PCDH15: variants seen among roughly 807,000 people sequenced by gnomAD.
PCDH15 encodes protocadherin-15.
In PCDH15, 129 loss-of-function variants were observed where a neutral mutation model predicts 178.5. That is an observed-to-expected ratio of 0.72 (90% confidence interval 0.63 to 0.84). The LOEUF (loss-of-function observed/expected upper bound fraction) is 0.84, where lower values mean the gene tolerates loss of function less well. Ranked by LOEUF, PCDH15 falls within the 40% of genes least tolerant of loss-of-function variation. The pLI is 0.00. For missense variants in PCDH15, 2,230 were observed against 2,099.9 expected (o/e 1.06, Z -1.21); for synonymous variants, 800 against 732.0 (o/e 1.09, Z -1.50).
At chr10:55,262,469 T>A (rs998819013) in intron 1 of PCDH15, among the ~76,000 whole-genome samples, 2 of 152,178 alleles carry the variant, frequency 1.3e-5, no homozygotes, top group Non-Finnish European at 2.9e-5. Context: ...CACAGGCGGC[T>A]GGATGCTGAG....
intron 28 of PCDH15, among the ~76,000 whole-genome samples, chr10:53,846,807 TA>T (rs2078007235): frequency 6.6e-6 from 1 of 152,068 alleles, no homozygotes; most frequent in Non-Finnish European, 1.5e-5. Flanking sequence ...GCTTTTTATT[TA>T]TTTTTTTACA....
rs573169369 is a variant in PCDH15, at chr10:54,471,979, G to C, written c.157+55833C>G. On this transcript the variant is annotated intron_variant, in intron 3 of 37. Transcript: ENST00000644397. Reference sequence around the variant, plus strand: ...TTTTATATGACACTCTGATTTATGAGAGCACAAATTACTTTTTAGCATTAA... The same window carrying C: ...TTTTATATGACACTCTGATTTATGACAGCACAAATTACTTTTTAGCATTAA... Among the ~76,000 whole-genome samples, 4 of 152,016 alleles carry C rather than the reference G, an allele frequency of 2.6e-5. No homozygotes were observed. The South Asian group carries it at 8.3e-4, about 32-fold the overall frequency.
intron 2 of PCDH15, among the ~76,000 whole-genome samples, chr10:55,353,743 C>T (rs921489524): frequency 1.3e-5 from 2 of 152,054 alleles, no homozygotes; most frequent in African/African-American, 4.8e-5. Flanking sequence ...ACCTCAAAGG[C>T]TCTTCTGATG....
At chr10:55,565,437 A>G (rs544209499) in intron 2 of PCDH15, among the ~76,000 whole-genome samples, 1 of 151,776 alleles carries the variant, frequency 6.6e-6, no homozygotes, top group South Asian at 2.1e-4. Context: ...CATATCTCAA[A>G]TCAACCACTT....
At chr10:54,962,731 G>A (rs1033468483) in intron 2 of PCDH15, among the ~76,000 whole-genome samples, 3 of 152,124 alleles carry the variant, frequency 2.0e-5, no homozygotes, top group Non-Finnish European at 4.4e-5. Context: ...TGGACTCCTT[G>A]CTTGCTCATT....
At chr10:54,197,849 GA>G (rs2049830311) in intron 10 of PCDH15, among the ~76,000 whole-genome samples, 1 of 151,992 alleles carries the variant, frequency 6.6e-6, no homozygotes, top group Non-Finnish European at 1.5e-5. Context: ...TTACTAATGT[GA>G]AATTATGCTA....
rs1334505710 is a variant in PCDH15 at position 55,463,911 on chromosome 10, A to G, written c.-156+163714T>C. On this transcript the variant is annotated intron_variant, in intron 2 of 5. Transcript: ENST00000613346. ...AGAGGGAGAGAGAGAGAAAGAAAGA[A>G]AGAAAGAAAGAAAGAAAGAAAGAAA... Among the ~76,000 whole-genome samples the G allele has an allele frequency of 1.1e-4, 2 of 18,124 alleles. 1 individual carries two copies. The highest frequency in any genetic ancestry group is 1.6e-4 in the Non-Finnish European group (2 of 12,712). The allele number at this position is 18,124 out of a possible 152,430, so 11.9% of individuals were successfully genotyped here.
intron 13 of PCDH15, among the ~76,000 whole-genome samples, chr10:54,156,163 T>G (rs1304654188): frequency 6.6e-6 from 1 of 152,020 alleles, no homozygotes; most frequent in African/African-American, 2.4e-5. Flanking sequence ...GAGCTATTTG[T>G]TTTTTTTATT....
At chr10:54,050,349 G>A (rs2093742134) in intron 18 of PCDH15, among the ~76,000 whole-genome samples, 1 of 152,130 alleles carries the variant, frequency 6.6e-6, no homozygotes, top group South Asian at 2.1e-4. Flanking sequence ...TGTGTGCATA[G>A]ATGTGTTCAT....
chr10:53,867,052 T>C (rs2079513954), intron 26 of PCDH15, among the ~76,000 whole-genome samples, 195 bp from the exon 27 acceptor site: 1 of 152,130 alleles, frequency 6.6e-6, no homozygotes, highest in African/African-American at 2.4e-5. Context: ...GAATGGTTGC[T>C]ATTAGAATGA....
At chr10:55,377,641 G>T (rs1300865984) in intron 2 of PCDH15, among the ~76,000 whole-genome samples, 1 of 151,894 alleles carries the variant, frequency 6.6e-6, no homozygotes, top group East Asian at 1.9e-4. Flanking sequence ...TTACATAGAG[G>T]CCTCTTTGAT....
At chr10:54,257,261 C>T (rs1021974880) in intron 8 of PCDH15, among the ~76,000 whole-genome samples, 46 of 151,996 alleles carry the variant, frequency 3.0e-4, no homozygotes, top group African/African-American at 1.1e-3. Context: ...TACTGAATTA[C>T]TGAGAGGACA....
intron 18 of PCDH15, among the ~76,000 whole-genome samples, chr10:54,061,819 AT>A (rs5785034): frequency 0.62 from 93,539 of 151,872 alleles, 29,109 homozygotes; most frequent in Middle Eastern, 0.76. Context: ...AAAATTGTTG[AT>A]TGGTAGGTTA....
chr10:54,208,066 CA>C (rs1431064678), intron 10 of PCDH15, among the ~76,000 whole-genome samples: 1 of 151,734 alleles, frequency 6.6e-6, no homozygotes. Flanking sequence ...CTTTGTGTGG[CA>C]ATCTGCTAAG....
At chr10:55,147,205 A>C (rs1296000607) in intron 2 of PCDH15, among the ~76,000 whole-genome samples, 1 of 151,530 alleles carries the variant, frequency 6.6e-6, no homozygotes, top group Non-Finnish European at 1.5e-5. Context: ...ACCAGTGGTC[A>C]ATTGTACTTT....
At chr10:54,559,262 C>G (rs1178861644) in intron 2 of PCDH15, among the ~76,000 whole-genome samples, 1 of 151,962 alleles carries the variant, frequency 6.6e-6, no homozygotes, top group Non-Finnish European at 1.5e-5. Flanking sequence ...ATCCTTATTA[C>G]TTTGTAATGC....
At chr10:55,257,583 C>T (rs1842032888) in intron 1 of PCDH15, among the ~76,000 whole-genome samples, 1 of 152,120 alleles carries the variant, frequency 6.6e-6, no homozygotes, top group African/African-American at 2.4e-5. Context: ...AATACACAAG[C>T]CTCAGTAGCT....
intron 3 of PCDH15, among the ~76,000 whole-genome samples, chr10:54,500,001 T>C (rs926655505): frequency 6.6e-6 from 1 of 152,140 alleles, no homozygotes; most frequent in African/African-American, 2.4e-5. Context: ...GCACATATGT[T>C]CATTGCAGCA....
chr10:55,582,626 A>ATTTTTTT (rs1413632977), intron 2 of PCDH15, among the ~76,000 whole-genome samples: 4 of 61,230 alleles, frequency 6.5e-5, no homozygotes, highest in African/African-American at 1.3e-4. Context: ...ATATATATAT[A>ATTTTTTT]TATTTTTTTT....
Sources: allele counts gnomAD v4.1 joint callset (sites outside exome capture counted in the v4.1 genomes callset), GRCh38; gene constraint gnomAD v4.1.1; transcripts MANE v1.5; gene names NCBI Gene and HGNC (gene_info 2026-07-23, HGNC 2026-07-21).